SLC24A2: variants seen among roughly 807,000 people sequenced by gnomAD.
SLC24A2 encodes the protein sodium/potassium/calcium exchanger 2.
A neutral mutation model predicts 62.0 loss-of-function variants in SLC24A2; 36 were observed. The observed-to-expected ratio is 0.58, with a 90% CI of 0.44 to 0.77. The LOEUF (loss-of-function observed/expected upper bound fraction) is 0.77. Among genes scored for constraint, SLC24A2 ranks in the 30% least tolerant of loss-of-function variants. SLC24A2 has a pLI of 0.00. For missense variants in SLC24A2, 846 were observed against 817.9 expected, an observed-to-expected ratio of 1.03 and a Z score of -0.42; for synonymous variants, 358 against 294.0, an observed-to-expected ratio of 1.22 and a Z score of -2.23.
intron 2 of SLC24A2, among the ~76,000 whole-genome samples, chr9:19,659,575 T>A: frequency 6.6e-6 from 1 of 152,266 alleles, no homozygotes; most frequent in African/African-American, 2.4e-5. Context: ...ACGCTTATCC[T>A]TTATAATAAT....
the SLC24A2 span, among the ~76,000 whole-genome samples, chr9:20,296,733 C>T: frequency 4.6e-5 from 7 of 152,160 alleles, no homozygotes; most frequent in Admixed American, 3.3e-4. Flanking sequence ...TTTCAGATGA[C>T]CACAGTTATA....
chr9:19,818,222 C>T, the SLC24A2 span, among the ~76,000 whole-genome samples: 2 of 152,076 alleles, frequency 1.3e-5, no homozygotes, highest in Non-Finnish European at 2.9e-5. Context: ...CTCTGTTTTT[C>T]ACAAAGTCTC....
chr9:19,688,776 T>C (rs953253079), intron 2 of SLC24A2, among the ~76,000 whole-genome samples: 3 of 152,148 alleles, frequency 2.0e-5, no homozygotes, highest in Non-Finnish European at 4.4e-5. Flanking sequence ...TGTCTTTCCC[T>C]AAGCCAGAGG....
chr9:19,688,923 C>A (rs1324933395), intron 2 of SLC24A2, among the ~76,000 whole-genome samples: 2 of 152,018 alleles, frequency 1.3e-5, no homozygotes, highest in Non-Finnish European at 2.9e-5. Flanking sequence ...ATATATATTA[C>A]CTCAGTCCAA....
the SLC24A2 span, among the ~76,000 whole-genome samples, chr9:20,149,266 T>G: frequency 6.6e-6 from 1 of 152,072 alleles, no homozygotes; most frequent in Admixed American, 6.6e-5. Context: ...TGGGATTCAG[T>G]TCTCATCACT....
chr9:19,531,329 C>T (rs1219869528), intron 8 of SLC24A2, among the ~76,000 whole-genome samples: 1 of 152,160 alleles, frequency 6.6e-6, no homozygotes, highest in Non-Finnish European at 1.5e-5. Context: ...ATTTAGTTAC[C>T]AGTGTCATTG....
At chr9:19,657,901 A>C (rs542515558) in intron 2 of SLC24A2, among the ~76,000 whole-genome samples, 1 of 152,196 alleles carries the variant, frequency 6.6e-6, no homozygotes, top group South Asian at 2.1e-4. Context: ...CTAATTAAAA[A>C]AAAATTTCTG....
At chr9:20,223,023 C>T in the SLC24A2 span, among the ~76,000 whole-genome samples, 1 of 151,798 alleles carries the variant, frequency 6.6e-6, no homozygotes, top group Non-Finnish European at 1.5e-5. Flanking sequence ...AAAAAAGAGT[C>T]TATACAAAGT....
At chr9:20,073,843 T>A in the SLC24A2 span, among the ~76,000 whole-genome samples, 1 of 148,760 alleles carries the variant, frequency 6.7e-6, no homozygotes, top group East Asian at 2.0e-4. Context: ...AAACTTCATA[T>A]ATGTGTGTAT....
At chr9:20,064,931 C>G in the SLC24A2 span, among the ~76,000 whole-genome samples, 1 of 152,090 alleles carries the variant, frequency 6.6e-6, no homozygotes, top group East Asian at 1.9e-4. Flanking sequence ...GGAAGTGATA[C>G]CAGCCTAGAG....
intron 7 of SLC24A2, among the ~76,000 whole-genome samples, chr9:19,552,659 C>A (rs928426550): frequency 6.6e-6 from 1 of 152,182 alleles, no homozygotes; most frequent in East Asian, 1.9e-4. Flanking sequence ...AGCAACTTTT[C>A]TCTCGACTTC....
rs545381410 is a variant in SLC24A2, at chr9:19,709,035, C to A, written c.930+76902G>T. Among the ~76,000 whole-genome samples the A allele has an allele frequency of 1.3e-4, 20 of 152,206 alleles. No individual in the cohort carries two copies. The East Asian group carries it at 3.7e-3, about 28-fold the overall frequency. ...ACAAAGGGCTAATATCCAGAATCTACAATGAACTCAAACAAATTTACAAGA... is the reference window on the plus strand; with the variant it reads ...ACAAAGGGCTAATATCCAGAATCTAAAATGAACTCAAACAAATTTACAAGA... On this transcript the variant is annotated intron_variant, in intron 2 of 10. Coordinates refer to ENST00000341998, the MANE Select transcript of SLC24A2 (RefSeq NM_020344.4).
At chr9:20,093,073 T>A in the SLC24A2 span, among the ~76,000 whole-genome samples, 1 of 151,902 alleles carries the variant, frequency 6.6e-6, no homozygotes, top group Admixed American at 6.6e-5. Context: ...TTTTTTGTTC[T>A]GTTTTTTGTT....
Position 19,722,258 on chromosome 9 carries a change from A to G in SLC24A2, c.930+63679T>C, listed in dbSNP as rs145223254. 5.1e-3 allele frequency among the ~76,000 whole-genome samples: 782 copies of G among 152,292 alleles called. 3 individuals carry two copies. Among genetic ancestry groups the G allele is most frequent in the Non-Finnish European group, 9.0e-3 (612 of 67,990 alleles). ...CAGAGGAAATCAGATACCATCTTCA[A>G]GAGTGTTCTTTTGGAAAGTTTATGG... is the stretch of plus-strand genomic sequence containing the variant. On this transcript the variant is annotated intron_variant, in intron 2 of 10. Transcript: ENST00000341998.
At chr9:20,125,720 G>A in the SLC24A2 span, among the ~76,000 whole-genome samples, 1 of 152,150 alleles carries the variant, frequency 6.6e-6, no homozygotes, top group African/African-American at 2.4e-5. Context: ...AGCCCATGGT[G>A]GTGAGGGTTG....
At chr9:19,710,863 C>T (rs1820695119) in intron 2 of SLC24A2, among the ~76,000 whole-genome samples, 4 of 152,074 alleles carry the variant, frequency 2.6e-5, no homozygotes, top group Admixed American at 2.6e-4. Context: ...GACAAATGAT[C>T]CTACCCTCAA....
At chr9:19,597,102 A>C (rs1836723182) in intron 5 of SLC24A2, 127 bp downstream of exon 5, 1 of 707,286 alleles carries the variant, frequency 1.4e-6, no homozygotes, top group South Asian at 1.6e-5. Context: ...AAAATGCAGA[A>C]AGAATAGTAA....
In SLC24A2 at chr9:19,787,012, C is replaced by G; in HGVS notation, c.-146G>C. The G allele has an allele frequency of 1.4e-6, 2 of 1,402,406 alleles. No homozygotes were observed. Among genetic ancestry groups the G allele is most frequent in the Non-Finnish European group, 1.8e-6 (2 of 1,081,626 alleles). 86.9% of individuals were successfully genotyped at this position (1,402,406 alleles called of 1,614,324 possible). On this transcript the variant is annotated 5_prime_UTR_variant, in exon 2 of 11. The change abolishes an upstream ATG in the 5' untranslated region. Transcript: ENST00000341998. ...GTTATGCTTCACAGGAAACTTTCAT[C>G]ATTTATGCTTAAATAAAAATAAAAA...
chr9:19,564,545 TATCTGTCTATCA>T (rs1351368700), intron 7 of SLC24A2, among the ~76,000 whole-genome samples: 1 of 65,750 alleles, frequency 1.5e-5, no homozygotes, highest in African/African-American at 3.4e-5. Flanking sequence ...TCTCTGTATC[TATCTGTCTATCA>T]ATCAATCACA....
Sources: allele counts gnomAD v4.1 joint callset (sites outside exome capture counted in the v4.1 genomes callset), GRCh38; gene constraint gnomAD v4.1.1; transcripts MANE v1.5; gene names NCBI Gene and HGNC (gene_info 2026-07-23, HGNC 2026-07-21).